Variants in TDRD9 observed in about 807,000 individuals in gnomAD.
TDRD9 encodes ATP-dependent RNA helicase TDRD9.
In TDRD9, 124 loss-of-function variants were observed where a neutral mutation model predicts 172.6. The observed-to-expected ratio is 0.72, with a 90% CI of 0.62 to 0.83. The LOEUF (loss-of-function observed/expected upper bound fraction) is 0.83. Ranked by LOEUF, TDRD9 falls within the 40% of genes least tolerant of loss-of-function variation. The probability of loss-of-function intolerance (pLI) is 0.00; values close to 1 mark genes in which losing one functional copy is unlikely to be tolerated. For synonymous variants in TDRD9, 619 were observed against 617.1 expected, an observed-to-expected ratio of 1.00 and a Z score of -0.05; for missense variants, 1,479 against 1,714.1, an observed-to-expected ratio of 0.86 and a Z score of 2.42.
intron 21 of TDRD9, among the ~76,000 whole-genome samples, chr14:104,015,275 A>C (rs1488072800): frequency 6.6e-6 from 1 of 152,200 alleles, no homozygotes; most frequent in East Asian, 1.9e-4. Flanking sequence ...AATTACTAGT[A>C]GTTAGCTGGA....
chr14:104,022,932 C>G (rs1161814490), intron 24 of TDRD9, among the ~76,000 whole-genome samples: 2 of 151,676 alleles, frequency 1.3e-5, no homozygotes, highest in Non-Finnish European at 1.5e-5. Flanking sequence ...GTAATCCTTG[C>G]ATTTTGGGAG....
intron 1 of TDRD9, among the ~76,000 whole-genome samples, chr14:103,943,664 G>A (rs2031398612): frequency 6.6e-6 from 1 of 151,928 alleles, no homozygotes; most frequent in South Asian, 2.1e-4. Flanking sequence ...AATTTCCTAT[G>A]CAAGTGTTTG....
rs1189866299 is a variant in TDRD9 at position 103,997,858 on chromosome 14, C to G, written c.1379-766C>G. On this transcript the variant is annotated intron_variant, in intron 12 of 35. Transcript: ENST00000409874. The surrounding 1 kb of genome is among the most constrained non-coding windows in gnomAD (Gnocchi z 5.1). Reference sequence around the variant, plus strand: ...TTGTCAGTGACCTTGACAAGAGCAGCTTTGGTGGAAGCAAGCGTCTGCTTG... The same window carrying G: ...TTGTCAGTGACCTTGACAAGAGCAGGTTTGGTGGAAGCAAGCGTCTGCTTG... 6.6e-6 allele frequency among the ~76,000 whole-genome samples: 1 copy of G among 152,106 alleles called. No individual in the cohort carries two copies. The highest frequency in any genetic ancestry group is 6.6e-5 in the Admixed American group (1 of 15,266).
chr14:104,032,336 A>G (rs2035309740), intron 30 of TDRD9, among the ~76,000 whole-genome samples: 1 of 152,034 alleles, frequency 6.6e-6, no homozygotes, highest in African/African-American at 2.4e-5. Context: ...CCTCCTGAGT[A>G]GCTGGGATTA....
chr14:103,935,733 G>A (rs534816806), intron 1 of TDRD9, among the ~76,000 whole-genome samples: 60 of 152,270 alleles, frequency 3.9e-4, no homozygotes, highest in African/African-American at 1.4e-3. Flanking sequence ...AGGAGACTGA[G>A]AACAAGTGGT....
chr14:103,943,432 C>T (rs75859988), intron 1 of TDRD9, among the ~76,000 whole-genome samples: 3,472 of 149,678 alleles, frequency 0.023, 76 homozygotes, highest in East Asian at 0.071. Flanking sequence ...AGTATATATA[C>T]GCATATGTAT....
chr14:103,934,799 G>T (rs1022092961), intron 1 of TDRD9, among the ~76,000 whole-genome samples: 1 of 152,240 alleles, frequency 6.6e-6, no homozygotes, highest in African/African-American at 2.4e-5. Context: ...AAGGACAGGA[G>T]CAGGGTGGTC....
chr14:103,986,981 G>T (rs1195626992), intron 8 of TDRD9, among the ~76,000 whole-genome samples: 1 of 152,156 alleles, frequency 6.6e-6, no homozygotes, highest in Non-Finnish European at 1.5e-5. Context: ...GGGCATGGTG[G>T]TGCGCACCTG....
chr14:104,026,955 G>A lies in TDRD9; in HGVS notation c.3282+16G>A, dbSNP rs572211874. 59 of 1,609,582 alleles carry A rather than the reference G, an allele frequency of 3.7e-5. No homozygotes were observed. The East Asian group carries it at 9.2e-4, about 25-fold the overall frequency. ...CGAGTCCAAGGTGTGTGCTTTCGCC[G>A]TTGCTGGAGCACGCGTTTGTGTGAG... On this transcript the variant is annotated intron_variant, in intron 28 of 35. Coordinates refer to ENST00000409874, the MANE Select transcript of TDRD9 (RefSeq NM_153046.3).
At chr14:104,000,591 C>T (rs549000428) in intron 13 of TDRD9, among the ~76,000 whole-genome samples, 2 of 152,090 alleles carry the variant, frequency 1.3e-5, no homozygotes, top group South Asian at 4.2e-4. Flanking sequence ...TCAAGACCAG[C>T]CTGGCCAACA....
intron 1 of TDRD9, among the ~76,000 whole-genome samples, chr14:103,936,833 T>C (rs887068599): frequency 1.6e-4 from 24 of 152,332 alleles, no homozygotes; most frequent in African/African-American, 5.8e-4. Flanking sequence ...GGCTCATGCC[T>C]GTAATCCCAG....
intron 34 of TDRD9, among the ~76,000 whole-genome samples, chr14:104,047,625 AG>A: frequency 6.6e-6 from 1 of 152,096 alleles, no homozygotes; most frequent in Non-Finnish European, 1.5e-5. Context: ...CACGTCTGTC[AG>A]TGCGCTGGTG....
At chr14:103,944,241 C>T (rs17101959) in intron 1 of TDRD9, among the ~76,000 whole-genome samples, 3,470 of 152,256 alleles carry the variant, frequency 0.023, 77 homozygotes, top group East Asian at 0.071. Flanking sequence ...CTTTCTTGCT[C>T]GACCCTAGAG....
intron 1 of TDRD9, among the ~76,000 whole-genome samples, chr14:103,946,392 A>G (rs1484929422): frequency 2.0e-5 from 3 of 152,260 alleles, no homozygotes; most frequent in African/African-American, 7.2e-5. Flanking sequence ...CTAGAAATAG[A>G]AGGAAACTAC....
intron 28 of TDRD9, among the ~76,000 whole-genome samples, chr14:104,028,559 G>A (rs1311233005): frequency 1.3e-5 from 2 of 152,108 alleles, no homozygotes; most frequent in Non-Finnish European, 1.5e-5. Flanking sequence ...TGCTGTTTGA[G>A]TTCCTTGTGT....
At chr14:104,045,301 T>A (rs1379160517) in intron 34 of TDRD9, among the ~76,000 whole-genome samples, 1 of 152,078 alleles carries the variant, frequency 6.6e-6, no homozygotes, top group Non-Finnish European at 1.5e-5. Context: ...GTGAGTATGG[T>A]AGTATCTCAT....
Position 103,935,492 on chromosome 14 carries a change from G to A in TDRD9, c.215+6768G>A, listed in dbSNP as rs187276211. ...CTGCACGAGGAATTAGTTTGTGGGGGGATACCAGGATTGATTTTGAACATG... is the reference window on the plus strand; with the variant it reads ...CTGCACGAGGAATTAGTTTGTGGGGAGATACCAGGATTGATTTTGAACATG... On this transcript the variant is annotated intron_variant, in intron 1 of 35. Transcript: ENST00000409874. 5.3e-5 allele frequency among the ~76,000 whole-genome samples: 8 copies of A among 152,288 alleles called. No individual in the cohort carries two copies. The East Asian group carries it at 1.5e-3, about 29-fold the overall frequency.
At chr14:103,954,236 G>C (rs1282056763) in intron 1 of TDRD9, among the ~76,000 whole-genome samples, 2 of 152,176 alleles carry the variant, frequency 1.3e-5, no homozygotes, top group Non-Finnish European at 2.9e-5. Flanking sequence ...CATTGTTTTA[G>C]CTTGTCCCCT....
At chr14:104,005,241 A>G in intron 14 of TDRD9, 33 bp from the exon 15 acceptor site, 1 of 1,611,114 alleles carries the variant, frequency 6.2e-7, no homozygotes, top group Admixed American at 1.7e-5. Flanking sequence ...TAGTTATGTT[A>G]TTATTTCTAA....
Sources: allele counts gnomAD v4.1 joint callset (sites outside exome capture counted in the v4.1 genomes callset), GRCh38; gene constraint gnomAD v4.1.1; non-coding constraint Gnocchi (gnomAD v3.1); transcripts MANE v1.5; gene names NCBI Gene and HGNC (gene_info 2026-07-23, HGNC 2026-07-21).